The following MYO3B variants were observed in gnomAD, a reference collection of about 807,000 sequenced individuals.
MYO3B encodes myosin IIIB.
Under a neutral mutation model 174.6 loss-of-function variants are expected in MYO3B, and 156 were observed. That is an observed-to-expected ratio of 0.89 (90% CI 0.78 to 1.02). The LOEUF (loss-of-function observed/expected upper bound fraction) is 1.02. Among genes scored for constraint, MYO3B ranks in the 50% least tolerant of loss-of-function variants. MYO3B has a pLI of 0.00. For missense variants in MYO3B, 1,632 were observed against 1,639.4 expected (o/e 1.00, Z 0.08); for synonymous variants, 563 against 569.1 (o/e 0.99, Z 0.15).
chr2:170,622,583 A>T (rs143692560), intron 32 of MYO3B, among the ~76,000 whole-genome samples: 3,711 of 149,046 alleles, frequency 0.025, 162 homozygotes, highest in African/African-American at 0.089. Context: ...ATTTTTTTTT[A>T]TTATTATACT....
intron 32 of MYO3B, among the ~76,000 whole-genome samples, chr2:170,610,118 C>T (rs575336951): frequency 1.3e-5 from 2 of 152,292 alleles, no homozygotes; most frequent in East Asian, 1.9e-4. Flanking sequence ...GGGTGGTTCA[C>T]GAGGTCAGGA....
intron 22 of MYO3B, among the ~76,000 whole-genome samples, chr2:170,421,262 GAAC>G (rs1370556798): frequency 6.6e-6 from 1 of 152,208 alleles, no homozygotes; most frequent in Non-Finnish European, 1.5e-5. Flanking sequence ...GCTCCATTCA[GAAC>G]TTCATATTCT....
intron 28 of MYO3B, among the ~76,000 whole-genome samples, chr2:170,507,672 CGTGAGCTACT>C (rs1474373424): frequency 6.6e-6 from 1 of 152,158 alleles, no homozygotes; most frequent in Non-Finnish European, 1.5e-5. Context: ...GGATTACAGG[CGTGAGCTACT>C]GTGCCTGGCC....
At chr2:170,630,973 A>G (rs1696918834) in intron 32 of MYO3B, among the ~76,000 whole-genome samples, 1 of 152,232 alleles carries the variant, frequency 6.6e-6, no homozygotes, top group Non-Finnish European at 1.5e-5. Flanking sequence ...AAAAGCTGAA[A>G]ATTCTAAAAA....
chr2:170,439,824 G>A (rs1442610937), intron 22 of MYO3B, among the ~76,000 whole-genome samples: 2 of 152,070 alleles, frequency 1.3e-5, no homozygotes, highest in African/African-American at 2.4e-5. Flanking sequence ...GAGACCACAG[G>A]TGCCCACCAC....
chr2:170,486,299 CTTTT>C (rs10715918), intron 25 of MYO3B, among the ~76,000 whole-genome samples: 4 of 99,188 alleles, frequency 4.0e-5, no homozygotes, highest in Non-Finnish European at 3.9e-5. Flanking sequence ...AGAATCCATT[CTTTT>C]TTTTTTTTTT....
intron 7 of MYO3B, among the ~76,000 whole-genome samples, chr2:170,268,928 A>G (rs1343734954): frequency 1.3e-5 from 2 of 152,224 alleles, no homozygotes. Flanking sequence ...CACTATACAT[A>G]TAAATCAAGA....
At chr2:170,343,269 C>T (rs1298288430) in intron 8 of MYO3B, among the ~76,000 whole-genome samples, 2 of 151,980 alleles carry the variant, frequency 1.3e-5, no homozygotes, top group African/African-American at 2.4e-5. Flanking sequence ...CCTGTCTCTA[C>T]AAAAAATTTA....
chr2:170,498,825 A>ATGTTGGTTGTTTTGCTGGTTGT, intron 26 of MYO3B, 122 bp downstream of exon 26: 1 of 635,740 alleles, frequency 1.6e-6, no homozygotes, highest in Non-Finnish European at 2.8e-6. Context: ...CAACGTAACA[A>ATGTTGGTTGTTTTGCTGGTTGT]TGGTCTTTGC....
intron 9 of MYO3B, 90 bp downstream of exon 9, chr2:170,369,467 G>GT: frequency 1.5e-6 from 2 of 1,361,286 alleles, no homozygotes; most frequent in Non-Finnish European, 2.0e-6. Context: ...ATTACTGGTA[G>GT]TTATTACATT....
At chr2:170,641,624 G>A (rs899217921) in intron 32 of MYO3B, among the ~76,000 whole-genome samples, 2 of 152,058 alleles carry the variant, frequency 1.3e-5, no homozygotes, top group African/African-American at 2.4e-5. Flanking sequence ...GCAAGCATTA[G>A]AAGTGATACC....
At chr2:170,401,051 C>T (rs992107159) in intron 17 of MYO3B, among the ~76,000 whole-genome samples, 2 of 152,094 alleles carry the variant, frequency 1.3e-5, no homozygotes, top group African/African-American at 2.4e-5. Context: ...TAAAGTTCCA[C>T]GGGTAATTAT....
chr2:170,199,526 C>T, intron 2 of MYO3B, 135 bp downstream of exon 2: 1 of 719,822 alleles, frequency 1.4e-6, no homozygotes, highest in Non-Finnish European at 2.2e-6. Context: ...GATTTGTCAG[C>T]TTCTCTGAAT....
intron 32 of MYO3B, among the ~76,000 whole-genome samples, chr2:170,565,380 T>C (rs1692000826): frequency 6.6e-6 from 1 of 152,198 alleles, no homozygotes; most frequent in South Asian, 2.1e-4. Flanking sequence ...TGAATGATGT[T>C]CATTTTGGGT....
chr2:170,198,442 A>G (rs2092624667), intron 1 of MYO3B, among the ~76,000 whole-genome samples: 1 of 152,184 alleles, frequency 6.6e-6, no homozygotes, highest in South Asian at 2.1e-4. Context: ...GCATGTTGAT[A>G]TTCTTTCTGT....
chr2:170,362,038 G>C (rs1041645875), intron 8 of MYO3B, among the ~76,000 whole-genome samples: 66 of 152,158 alleles, frequency 4.3e-4, no homozygotes, highest in African/African-American at 1.6e-3. Context: ...GCATTACAGG[G>C]TTACATATTG....
intron 8 of MYO3B, among the ~76,000 whole-genome samples, chr2:170,346,652 G>A (rs1383597370): frequency 2.0e-5 from 3 of 152,148 alleles, no homozygotes; most frequent in African/African-American, 7.2e-5. Context: ...CAACTGCACA[G>A]TAGTAAAAGT....
intron 30 of MYO3B, among the ~76,000 whole-genome samples, chr2:170,539,465 CCTT>C (rs1320628589): frequency 1.3e-5 from 2 of 152,140 alleles, no homozygotes; most frequent in Non-Finnish European, 2.9e-5. Flanking sequence ...AAAATACTGA[CCTT>C]CTGATTTCTC....
chr2:170,633,131 A>G (rs1697160560), intron 32 of MYO3B, among the ~76,000 whole-genome samples: 1 of 152,256 alleles, frequency 6.6e-6, no homozygotes, highest in African/African-American at 2.4e-5. Flanking sequence ...TGAGGCCAGC[A>G]TCATCCTGAT....
Sources: allele counts gnomAD v4.1 joint callset (sites outside exome capture counted in the v4.1 genomes callset), GRCh38; gene constraint gnomAD v4.1.1; transcripts MANE v1.5; gene names NCBI Gene and HGNC (gene_info 2026-07-23, HGNC 2026-07-21).